ATRNL1: variants seen among roughly 807,000 people sequenced by gnomAD.
ATRNL1 encodes the protein attractin like 1, also known as attractin-like protein 1.
ATRNL1 carries 95 observed loss-of-function variants against 182.7 expected under a neutral mutation model. The ratio of observed to expected loss-of-function variants is 0.52; its 90% confidence interval spans 0.44 to 0.62. The LOEUF (loss-of-function observed/expected upper bound fraction) is 0.62, where lower values mean the gene tolerates loss of function less well. Ranked by LOEUF, ATRNL1 falls within the 20% of genes least tolerant of loss-of-function variation. ATRNL1 has a pLI of 0.00. For synonymous variants in ATRNL1, 576 were observed against 568.3 expected (o/e 1.01, Z -0.19); for missense variants, 1,471 against 1,679.5 (o/e 0.88, Z 2.17).
chr10:115,172,842 T>G (rs76282001), intron 8 of ATRNL1, among the ~76,000 whole-genome samples: 2 of 69,850 alleles, frequency 2.9e-5, no homozygotes, highest in Non-Finnish European at 4.4e-5. Flanking sequence ...TCTCAAGTTG[T>G]TTTTTTTTTT....
chr10:115,772,667 A>C (rs1555076741), intron 27 of ATRNL1, among the ~76,000 whole-genome samples: 1 of 145,544 alleles, frequency 6.9e-6, no homozygotes, highest in African/African-American at 2.5e-5. Context: ...GGACAATTTA[A>C]GTACATTTTC....
At chr10:115,153,121 G>T (rs1846323802) in intron 5 of ATRNL1, among the ~76,000 whole-genome samples, 2 of 152,092 alleles carry the variant, frequency 1.3e-5, no homozygotes, top group Admixed American at 1.3e-4. Flanking sequence ...CGGTTTGCCA[G>T]GATTTTATTG....
intron 26 of ATRNL1, among the ~76,000 whole-genome samples, chr10:115,708,609 A>G (rs1287502288): frequency 6.6e-6 from 1 of 151,788 alleles, no homozygotes; most frequent in African/African-American, 2.4e-5. Context: ...TGTTTGCACT[A>G]GAGAAAGCCT....
At chr10:115,386,333 G>T (rs1380474827) in intron 19 of ATRNL1, among the ~76,000 whole-genome samples, 1 of 152,112 alleles carries the variant, frequency 6.6e-6, no homozygotes, top group Non-Finnish European at 1.5e-5. Flanking sequence ...TTGCGGCAGC[G>T]CTCCTTTCAC....
At chr10:115,211,133 G>T (rs1462919098) in intron 8 of ATRNL1, among the ~76,000 whole-genome samples, 2 of 150,350 alleles carry the variant, frequency 1.3e-5, no homozygotes, top group Non-Finnish European at 3.0e-5. Flanking sequence ...CATGTGCCAT[G>T]CTGGTGCGCT....
intron 28 of ATRNL1, among the ~76,000 whole-genome samples, chr10:115,903,142 T>C (rs948763029): frequency 9.9e-5 from 15 of 152,238 alleles, no homozygotes; most frequent in African/African-American, 3.6e-4. Flanking sequence ...CTTAGGTTAA[T>C]TACCAGGGAA....
chr10:115,399,522 G>C (rs1432596788), intron 20 of ATRNL1, among the ~76,000 whole-genome samples: 1 of 151,868 alleles, frequency 6.6e-6, no homozygotes. Flanking sequence ...TACCCTTCTT[G>C]TTGTTTCTGA....
At chr10:115,854,932 T>C (rs373890772) in intron 28 of ATRNL1, among the ~76,000 whole-genome samples, 2 of 152,290 alleles carry the variant, frequency 1.3e-5, no homozygotes, top group Non-Finnish European at 1.5e-5. Context: ...TCTAATCATA[T>C]CGCTTCCTCA....
chr10:115,632,113 G>A (rs1858550300), intron 26 of ATRNL1, among the ~76,000 whole-genome samples: 1 of 152,048 alleles, frequency 6.6e-6, no homozygotes, highest in South Asian at 2.1e-4. Context: ...AAAAGAAGAA[G>A]GGAAGAATTA....
chr10:115,505,540 G>A (rs1399930424), intron 24 of ATRNL1, among the ~76,000 whole-genome samples: 1 of 151,920 alleles, frequency 6.6e-6, no homozygotes, highest in Non-Finnish European at 1.5e-5. Context: ...CCCCAAAAGG[G>A]AGCTAGGTAC....
intron 25 of ATRNL1, among the ~76,000 whole-genome samples, chr10:115,525,211 G>T (rs1851146917): frequency 6.6e-6 from 1 of 152,142 alleles, no homozygotes; most frequent in East Asian, 1.9e-4. Flanking sequence ...ATGTTAAATA[G>T]TACCACTGTT....
chr10:115,641,804 C>G (rs1230711816), intron 26 of ATRNL1, among the ~76,000 whole-genome samples: 2 of 151,676 alleles, frequency 1.3e-5, no homozygotes, highest in Non-Finnish European at 2.9e-5. Flanking sequence ...GACAGAAAAA[C>G]AAGGTAATTC....
intron 26 of ATRNL1, among the ~76,000 whole-genome samples, chr10:115,683,773 T>C: frequency 6.6e-6 from 1 of 151,812 alleles, no homozygotes; most frequent in East Asian, 1.9e-4. Flanking sequence ...TGTAAACAAA[T>C]TCCTAAGTTG....
At chr10:115,517,192 C>T (rs1850683719) in intron 24 of ATRNL1, among the ~76,000 whole-genome samples, 1 of 151,778 alleles carries the variant, frequency 6.6e-6, no homozygotes, top group Admixed American at 6.6e-5. Context: ...ATCAAATTCC[C>T]CTTATATGTC....
At chr10:115,848,216 GT>G (rs1950974647) in intron 28 of ATRNL1, among the ~76,000 whole-genome samples, 1 of 152,004 alleles carries the variant, frequency 6.6e-6, no homozygotes, top group Non-Finnish European at 1.5e-5. Flanking sequence ...TTGAATATGT[GT>G]TTATTTGTGT....
intron 26 of ATRNL1, among the ~76,000 whole-genome samples, chr10:115,665,347 T>C (rs1201477495): frequency 6.6e-6 from 1 of 152,160 alleles, no homozygotes; most frequent in Non-Finnish European, 1.5e-5. Context: ...GGTAAGTGGC[T>C]TAACCCAGTA....
In ATRNL1 at chr10:115,944,829, T is replaced by G; in HGVS notation, c.*50T>G. 6.4e-7 allele frequency: 1 copy of G among 1,570,038 alleles called. No individual in the cohort carries two copies. The highest frequency in any genetic ancestry group is 8.6e-7 in the Non-Finnish European group (1 of 1,156,968). On this transcript the variant is annotated 3_prime_UTR_variant, in exon 29 of 29. Coordinates refer to ENST00000355044, the MANE Select transcript of ATRNL1 (RefSeq NM_207303.4). ...TCTGTACTGTTTTACTTCGGGCTTC[T>G]GTTAAAGCTGTTCTATGGCCTTGGA...
At chr10:115,200,213 TG>T (rs1848509642) in intron 8 of ATRNL1, among the ~76,000 whole-genome samples, 1 of 151,950 alleles carries the variant, frequency 6.6e-6, no homozygotes, top group Admixed American at 6.6e-5. Flanking sequence ...GGATTTTTTT[TG>T]TTACTTGTTT....
Position 115,726,288 on chromosome 10 carries a change from A to G in ATRNL1, c.3796-960A>G, listed in dbSNP as rs782709470. Among the ~76,000 whole-genome samples, 3 of 152,210 alleles carry G rather than the reference A, an allele frequency of 2.0e-5. No homozygotes were observed. In the East Asian group the frequency reaches 5.8e-4, roughly 29 times the overall value. ...AGAATCTTTAAAAATATCTGTGAATAATGAAGCCATTCATTGTGTTCAAGG... is the reference window on the plus strand; with the variant it reads ...AGAATCTTTAAAAATATCTGTGAATGATGAAGCCATTCATTGTGTTCAAGG... On this transcript the variant is annotated intron_variant, in intron 26 of 28. Coordinates refer to ENST00000355044, the MANE Select transcript of ATRNL1 (RefSeq NM_207303.4).
Sources: gnomAD v4.1 joint callset for allele counts (sites outside exome capture counted in the v4.1 genomes callset) on GRCh38, gnomAD v4.1.1 for gene constraint, MANE v1.5 for transcripts, NCBI Gene and HGNC (gene_info 2026-07-23, HGNC 2026-07-21) for gene names.